MGMT: variants seen among roughly 807,000 people sequenced by gnomAD.
MGMT encodes O-6-methylguanine-DNA methyltransferase.
Under a neutral mutation model 15.9 loss-of-function variants are expected in MGMT, and 14 were observed. The ratio of observed to expected loss-of-function variants is 0.88; its 90% CI spans 0.58 to 1.37. The LOEUF (loss-of-function observed/expected upper bound fraction) is 1.37. Among genes scored for constraint, MGMT ranks in the 40% most tolerant of loss-of-function variants. The pLI is 0.00. For synonymous variants in MGMT, 130 were observed against 118.2 expected (o/e 1.10, Z -0.65); for missense variants, 282 against 268.1 (o/e 1.05, Z -0.36).
intron 2 of MGMT, among the ~76,000 whole-genome samples, chr10:129,624,855 C>A (rs923324128): frequency 1.3e-5 from 2 of 152,118 alleles, no homozygotes; most frequent in Non-Finnish European, 2.9e-5. Flanking sequence ...CAGGCACCCA[C>A]ATGAAGCGGC....
intron 2 of MGMT, among the ~76,000 whole-genome samples, chr10:129,603,189 A>G (rs569044825): frequency 6.6e-6 from 1 of 152,354 alleles, no homozygotes; most frequent in East Asian, 1.9e-4. Flanking sequence ...TTATAGGGCA[A>G]GGATCTGGCT....
At chr10:129,664,627 T>A (rs1026694243) in intron 2 of MGMT, among the ~76,000 whole-genome samples, 2 of 152,134 alleles carry the variant, frequency 1.3e-5, no homozygotes, top group Non-Finnish European at 2.9e-5. Flanking sequence ...CTGAAAAGGA[T>A]CTTGTGCAGC....
At position 129,540,327 on chromosome 10, in the gene MGMT, A is replaced by G. The variant is rs550729621; in HGVS notation, c.125+3950A>G. On this transcript the variant is annotated intron_variant, in intron 2 of 4. Coordinates refer to ENST00000651593, the MANE Select transcript of MGMT (RefSeq NM_002412.5). ...ATAAAAATTCATGATGTCTATGAAT[A>G]AAGACAATAGGCTTCTTCCTTTCTG... Among the ~76,000 whole-genome samples the G allele has an allele frequency of 2.6e-5, 4 of 152,340 alleles. No homozygotes were observed. In the South Asian group the frequency reaches 8.3e-4, roughly 32 times the overall value.
intron 2 of MGMT, among the ~76,000 whole-genome samples, chr10:129,645,179 G>C (rs1326197286): frequency 1.4e-5 from 2 of 145,412 alleles, no homozygotes; most frequent in African/African-American, 5.2e-5. Context: ...GAGTGCAGTA[G>C]CATGATCTTG....
intron 2 of MGMT, among the ~76,000 whole-genome samples, chr10:129,685,679 G>C (rs1310403000): frequency 1.3e-5 from 2 of 152,198 alleles, no homozygotes; most frequent in African/African-American, 4.8e-5. Context: ...GTGAATTTCA[G>C]GTTCCTGACT....
In MGMT at chr10:129,556,574, T is replaced by C. The variant is rs59389074; in HGVS notation, c.125+20197T>C. Among the ~76,000 whole-genome samples the C allele has an allele frequency of 0.044, 6,632 of 152,196 alleles. 182 individuals carry two copies. The highest frequency in any genetic ancestry group is 0.07 in the South Asian group (337 of 4,810). ...CTCGTCGGTGGGTTTGGTGATGCTG[T>C]GCAGTTCAGCTTTACCGTCTTGCTG... On this transcript the variant is annotated intron_variant, in intron 2 of 4. Coordinates refer to ENST00000651593, the MANE Select transcript of MGMT (RefSeq NM_002412.5). This position sits in a 1 kb window ranked among gnomAD's most constrained non-coding sequence, Gnocchi z 4.3.
intron 1 of MGMT, among the ~76,000 whole-genome samples, chr10:129,531,689 C>T (rs769492483): frequency 1.1e-4 from 16 of 149,480 alleles, no homozygotes; most frequent in Non-Finnish European, 1.5e-4. Flanking sequence ...GGTTGTCTAC[C>T]GGAAAAAAAG....
At chr10:129,539,396 A>G (rs944716046) in intron 2 of MGMT, among the ~76,000 whole-genome samples, 6 of 152,158 alleles carry the variant, frequency 3.9e-5, no homozygotes, top group African/African-American at 1.4e-4. Context: ...CAGTTGACCA[A>G]GGGTGTGTGA....
intron 2 of MGMT, among the ~76,000 whole-genome samples, chr10:129,706,547 A>C (rs892697776): frequency 2.6e-5 from 4 of 151,954 alleles, no homozygotes; most frequent in African/African-American, 9.7e-5. Context: ...CACTGTCTGC[A>C]GAAGGAAACT....
intron 2 of MGMT, among the ~76,000 whole-genome samples, chr10:129,569,305 A>G (rs1482369071): frequency 1.3e-5 from 2 of 152,174 alleles, no homozygotes; most frequent in African/African-American, 2.4e-5. Flanking sequence ...GAGGGTGGCA[A>G]TGGAAATAGT....
At chr10:129,524,737 G>A (rs1389288907) in intron 1 of MGMT, among the ~76,000 whole-genome samples, 2 of 151,668 alleles carry the variant, frequency 1.3e-5, no homozygotes, top group Admixed American at 6.6e-5. Context: ...GACTACAGAC[G>A]CCTGCCACCA....
chr10:129,713,933 T>C (rs1216960230), intron 3 of MGMT, among the ~76,000 whole-genome samples: 2 of 152,230 alleles, frequency 1.3e-5, no homozygotes, highest in East Asian at 3.9e-4. Context: ...ATTGATGCTG[T>C]TCCCTTCCCA....
At chr10:129,620,460 CTTTTCCCCTTTGG>C (rs1412691216) in intron 2 of MGMT, among the ~76,000 whole-genome samples, 1 of 152,166 alleles carries the variant, frequency 6.6e-6, no homozygotes, top group East Asian at 1.9e-4. Flanking sequence ...GGATTTGTCT[CTTTTCCCCTTTGG>C]TTCTGTCAAC....
chr10:129,590,348 C>G (rs1161431422), intron 2 of MGMT, among the ~76,000 whole-genome samples: 1 of 152,156 alleles, frequency 6.6e-6, no homozygotes, highest in East Asian at 1.9e-4. Context: ...TGAAAAGTAC[C>G]TGGATCCCAG....
intron 2 of MGMT, among the ~76,000 whole-genome samples, chr10:129,549,644 G>T (rs879391488): frequency 6.6e-6 from 1 of 152,060 alleles, no homozygotes; most frequent in East Asian, 1.9e-4. Context: ...TGCATGAAGC[G>T]TCATCTGTGT....
intron 2 of MGMT, among the ~76,000 whole-genome samples, chr10:129,651,404 T>A (rs1193638244): frequency 6.6e-6 from 1 of 152,082 alleles, no homozygotes; most frequent in Non-Finnish European, 1.5e-5. Context: ...GAAAACCTTT[T>A]TTTTAAGAAA....
At chr10:129,657,044 A>C (rs576140464) in intron 2 of MGMT, among the ~76,000 whole-genome samples, 8 of 152,162 alleles carry the variant, frequency 5.3e-5, no homozygotes, top group Non-Finnish European at 1.5e-5. Flanking sequence ...GGTGAGCTCT[A>C]TGAATTAGGC....
At chr10:129,658,254 G>T (rs189387662) in intron 2 of MGMT, among the ~76,000 whole-genome samples, 2 of 152,216 alleles carry the variant, frequency 1.3e-5, no homozygotes, top group Non-Finnish European at 2.9e-5. Context: ...GAGGGAGAGC[G>T]GCACCATTAG....
chr10:129,614,379 C>T (rs1178478513), intron 2 of MGMT, among the ~76,000 whole-genome samples: 1 of 152,164 alleles, frequency 6.6e-6, no homozygotes, highest in African/African-American at 2.4e-5. Context: ...TGCTAGTGAT[C>T]GTCTGTGGGC....
Sources: gnomAD v4.1 joint callset for allele counts (sites outside exome capture counted in the v4.1 genomes callset) on GRCh38, gnomAD v4.1.1 for gene constraint, Gnocchi (gnomAD v3.1) non-coding constraint, MANE v1.5 for transcripts, NCBI Gene and HGNC (gene_info 2026-07-23, HGNC 2026-07-21) for gene names.